The following GRXCR1 variants were observed in gnomAD, a reference collection of about 807,000 sequenced individuals.
GRXCR1 encodes glutaredoxin domain-containing cysteine-rich protein 1.
GRXCR1 carries 27 observed loss-of-function variants against 27.3 expected under a neutral mutation model. That is an observed-to-expected ratio of 0.99 (90% confidence interval 0.73 to 1.37). The LOEUF is 1.37. Among genes scored for constraint, GRXCR1 ranks in the 40% most tolerant of loss-of-function variants. The pLI is 0.00. For synonymous variants in GRXCR1, 122 were observed against 131.1 expected, an observed-to-expected ratio of 0.93 and a Z score of 0.47; for missense variants, 379 against 354.4, an observed-to-expected ratio of 1.07 and a Z score of -0.56.
At chr4:42,955,343 G>A (rs1381000404) in intron 1 of GRXCR1, among the ~76,000 whole-genome samples, 1 of 152,056 alleles carries the variant, frequency 6.6e-6, no homozygotes, top group Non-Finnish European at 1.5e-5. Flanking sequence ...ATTTATTAAA[G>A]AGGCAAACCT....
intron 2 of GRXCR1, among the ~76,000 whole-genome samples, chr4:43,003,923 C>G (rs769146997): frequency 1.3e-5 from 2 of 152,126 alleles, no homozygotes; most frequent in Non-Finnish European, 2.9e-5. Flanking sequence ...CAGAAATTTA[C>G]GTAAGTAAAG....
intron 1 of GRXCR1, among the ~76,000 whole-genome samples, chr4:42,947,517 A>G (rs1356546471): frequency 6.6e-6 from 1 of 152,186 alleles, no homozygotes; most frequent in Non-Finnish European, 1.5e-5. Context: ...TCATTCAATG[A>G]TTGCTTTTTC....
At chr4:42,957,699 A>G (rs1165840698) in intron 1 of GRXCR1, among the ~76,000 whole-genome samples, 1 of 151,604 alleles carries the variant, frequency 6.6e-6, no homozygotes. Flanking sequence ...CTGCTTGATC[A>G]ATGATGCTGA....
At chr4:42,976,955 T>G (rs1197061330) in intron 2 of GRXCR1, among the ~76,000 whole-genome samples, 1 of 152,032 alleles carries the variant, frequency 6.6e-6, no homozygotes, top group Admixed American at 6.6e-5. Flanking sequence ...TTGACCAATA[T>G]CTCTACAATT....
At position 42,920,900 on chromosome 4, in the gene GRXCR1, T is replaced by G. The variant is rs142914560; in HGVS notation, c.384+27250T>G. 5.2e-3 allele frequency among the ~76,000 whole-genome samples: 767 copies of G among 147,458 alleles called. 8 individuals carry two copies. The highest frequency in any genetic ancestry group is 0.019 in the African/African-American group (730 of 38,894). ...GTCCAGTACATTATTCCCAGTCTAC[T>G]TTGCTATGCGGCTATCATTCAAGTT... On this transcript the variant is annotated intron_variant, in intron 1 of 3. Transcript: ENST00000399770.
intron 1 of GRXCR1, among the ~76,000 whole-genome samples, chr4:42,927,913 G>A (rs1747210680): frequency 6.6e-6 from 1 of 151,986 alleles, no homozygotes; most frequent in South Asian, 2.1e-4. Flanking sequence ...TGGGGATTGA[G>A]CAGAGAAGGG....
chr4:42,998,541 C>T (rs1712249824), intron 2 of GRXCR1, among the ~76,000 whole-genome samples: 1 of 152,148 alleles, frequency 6.6e-6, no homozygotes. Flanking sequence ...ATTGACTAAA[C>T]ATTGTCAAAA....
At chr4:43,025,192 G>A (rs1029662491) in intron 3 of GRXCR1, among the ~76,000 whole-genome samples, 1 of 152,038 alleles carries the variant, frequency 6.6e-6, no homozygotes, top group Non-Finnish European at 1.5e-5. Flanking sequence ...CATTATCTTT[G>A]TCGTTTGTCG....
chr4:42,926,447 C>A (rs115943882), intron 1 of GRXCR1, among the ~76,000 whole-genome samples: 5,489 of 151,892 alleles, frequency 0.036, 126 homozygotes, highest in African/African-American at 0.067. Flanking sequence ...GCTGGTATCA[C>A]CCAACTTATA....
Position 42,985,401 on chromosome 4 carries a change from A to AT in GRXCR1, c.627+22273dup, listed in dbSNP as rs371171142. On this transcript the variant is annotated intron_variant, in intron 2 of 3. Transcript: ENST00000399770. Reference sequence around the variant, plus strand: ...TATAACCTGTAACATTTTTTCAAGGATTTTTTCTGAATCCTGGAAAATACA... The same window carrying AT: ...TATAACCTGTAACATTTTTTCAAGGATTTTTTTCTGAATCCTGGAAAATACA... 5.2e-3 allele frequency among the ~76,000 whole-genome samples: 791 copies of AT among 152,226 alleles called. 8 individuals carry two copies. Among genetic ancestry groups the AT allele is most frequent in the African/African-American group, 0.018 (752 of 41,554 alleles).
At chr4:42,905,116 A>C (rs542869065) in intron 1 of GRXCR1, among the ~76,000 whole-genome samples, 60 of 152,146 alleles carry the variant, frequency 3.9e-4, no homozygotes, top group African/African-American at 1.4e-3. Context: ...CTTGCGGCCA[A>C]TTCCTCTCTT....
chr4:42,897,723 G>A (rs897716783), intron 1 of GRXCR1, among the ~76,000 whole-genome samples: 5 of 151,994 alleles, frequency 3.3e-5, no homozygotes, highest in African/African-American at 1.2e-4. Context: ...CTACTGAGAG[G>A]TATGAGCTGT....
chr4:42,893,710 C>T (rs1409408684), intron 1 of GRXCR1, 60 bp downstream of exon 1: 9 of 1,507,852 alleles, frequency 6.0e-6, no homozygotes, highest in Middle Eastern at 1.7e-4. Flanking sequence ...CTGAACACCT[C>T]TCAGTTCTCC....
chr4:42,980,078 T>G (rs2109784232), intron 2 of GRXCR1, among the ~76,000 whole-genome samples: 1 of 152,102 alleles, frequency 6.6e-6, no homozygotes, highest in Admixed American at 6.6e-5. Context: ...AAAGGTTTGT[T>G]GATTTTATTT....
intron 2 of GRXCR1, among the ~76,000 whole-genome samples, chr4:43,007,945 A>G (rs1331360206): frequency 6.6e-6 from 1 of 152,108 alleles, no homozygotes; most frequent in African/African-American, 2.4e-5. Flanking sequence ...TCATTTTTAC[A>G]ATGTTTCCAA....
chr4:43,030,315 C>A (rs749523810), intron 3 of GRXCR1, 46 bp from the exon 4 acceptor site: 18 of 1,577,024 alleles, frequency 1.1e-5, no homozygotes, highest in Non-Finnish European at 1.5e-5. Context: ...GTTGTTCATG[C>A]TAACACATCC....
chr4:42,900,617 G>A (rs1286851758), intron 1 of GRXCR1, among the ~76,000 whole-genome samples: 2 of 152,144 alleles, frequency 1.3e-5, no homozygotes, highest in Admixed American at 1.3e-4. Flanking sequence ...TGAAAACCAA[G>A]GTGTTGATTT....
At chr4:42,985,565 T>C (rs561524946) in intron 2 of GRXCR1, among the ~76,000 whole-genome samples, 1 of 152,044 alleles carries the variant, frequency 6.6e-6, no homozygotes, top group African/African-American at 2.4e-5. Context: ...CTATTTCTGT[T>C]TTTATGAGCA....
At chr4:42,932,100 G>A (rs189630548) in intron 1 of GRXCR1, among the ~76,000 whole-genome samples, 12 of 151,984 alleles carry the variant, frequency 7.9e-5, no homozygotes, top group Admixed American at 5.9e-4. Flanking sequence ...GGGAATTGTG[G>A]GAGCTACAAT....
Sources: allele counts gnomAD v4.1 joint callset (sites outside exome capture counted in the v4.1 genomes callset), GRCh38; gene constraint gnomAD v4.1.1; transcripts MANE v1.5; gene names NCBI Gene and HGNC (gene_info 2026-07-23, HGNC 2026-07-21).